Variants in TRAPPC9 observed in about 807,000 individuals in gnomAD.
The protein encoded by TRAPPC9 is IKK2 binding protein.
In TRAPPC9, 83 loss-of-function variants were observed where a neutral mutation model predicts 124.0. The observed-to-expected ratio is 0.67, with a 90% confidence interval of 0.56 to 0.80. The LOEUF is 0.80. Among genes scored for constraint, TRAPPC9 ranks in the 30% least tolerant of loss-of-function variants. The pLI is 0.00. For missense variants in TRAPPC9, 1,302 were observed against 1,508.3 expected (o/e 0.86, Z 2.27); for synonymous variants, 638 against 617.5 (o/e 1.03, Z -0.49).
chr8:139,885,729 C>A (rs756432234), intron 21 of TRAPPC9, 150 bp downstream of exon 21: 41 of 750,810 alleles, frequency 5.5e-5, no homozygotes, highest in Non-Finnish European at 8.6e-5. Context: ...GTATGGTGAG[C>A]CCGTCTTTTT....
At chr8:140,060,922 C>T (rs73725381) in intron 17 of TRAPPC9, among the ~76,000 whole-genome samples, 14,003 of 152,220 alleles carry the variant, frequency 0.092, 802 homozygotes, top group African/African-American at 0.15. Flanking sequence ...CAAATGATTC[C>T]AATATTCAGC....
At chr8:139,974,492 A>C (rs912196650) in intron 19 of TRAPPC9, among the ~76,000 whole-genome samples, 3 of 152,210 alleles carry the variant, frequency 2.0e-5, no homozygotes, top group African/African-American at 7.2e-5. Flanking sequence ...ACCTCTTGGC[A>C]ACCCAGAGGG....
At chr8:140,174,073 G>A (rs1006528785) in intron 17 of TRAPPC9, among the ~76,000 whole-genome samples, 8 of 152,158 alleles carry the variant, frequency 5.3e-5, no homozygotes, top group African/African-American at 1.9e-4. Flanking sequence ...TAAAGGGCAA[G>A]AAGAAAAGTG....
At chr8:139,873,183 A>G (rs1277859221) in intron 21 of TRAPPC9, among the ~76,000 whole-genome samples, 1 of 152,092 alleles carries the variant, frequency 6.6e-6, no homozygotes, top group Non-Finnish European at 1.5e-5. Context: ...ATGAAAGTCT[A>G]GAATAGTGCT....
chr8:139,877,685 C>A (rs1026505607), intron 21 of TRAPPC9, among the ~76,000 whole-genome samples: 6 of 152,202 alleles, frequency 3.9e-5, no homozygotes, highest in African/African-American at 1.4e-4. Context: ...AGCACAGCCC[C>A]CAAAGATCAC....
At chr8:140,147,458 G>A (rs545339629) in intron 17 of TRAPPC9, among the ~76,000 whole-genome samples, 9 of 152,300 alleles carry the variant, frequency 5.9e-5, no homozygotes, top group South Asian at 2.1e-4. Flanking sequence ...ACTCAGGTGC[G>A]GTGGCCGGCA....
intron 21 of TRAPPC9, among the ~76,000 whole-genome samples, chr8:139,848,439 C>T (rs1173674853): frequency 3.3e-5 from 5 of 152,142 alleles, no homozygotes; most frequent in Non-Finnish European, 5.9e-5. Flanking sequence ...GCCTGCAATA[C>T]ACAACCCAGA....
chr8:140,293,828 C>A (rs1336833975), intron 11 of TRAPPC9, among the ~76,000 whole-genome samples: 1 of 151,988 alleles, frequency 6.6e-6, no homozygotes, highest in Non-Finnish European at 1.5e-5. Context: ...AACTAACCTG[C>A]ACATTGTGCA....
At chr8:140,389,637 G>GC (rs1204001870) in intron 7 of TRAPPC9, among the ~76,000 whole-genome samples, 1 of 152,148 alleles carries the variant, frequency 6.6e-6, no homozygotes, top group Non-Finnish European at 1.5e-5. Context: ...GAATCTGCAT[G>GC]CATTACCAAA....
At chr8:139,777,423 C>A (rs753652133) in intron 21 of TRAPPC9, among the ~76,000 whole-genome samples, 6 of 152,246 alleles carry the variant, frequency 3.9e-5, no homozygotes, top group Non-Finnish European at 5.9e-5. Flanking sequence ...ACTGTGTTAT[C>A]TCCTAATGCA....
intron 11 of TRAPPC9, among the ~76,000 whole-genome samples, chr8:140,297,624 G>A (rs752314868): frequency 2.0e-5 from 3 of 152,204 alleles, no homozygotes; most frequent in Non-Finnish European, 4.4e-5. Context: ...AAGCCCACAC[G>A]GCTCCTCAGA....
intron 21 of TRAPPC9, among the ~76,000 whole-genome samples, chr8:139,756,531 C>T (rs1357211032): frequency 3.7e-5 from 5 of 134,460 alleles, no homozygotes; most frequent in African/African-American, 8.9e-5. Context: ...GACAGCAGGT[C>T]GCAGGAGGAG....
intron 19 of TRAPPC9, among the ~76,000 whole-genome samples, chr8:139,948,602 C>G (rs1344428206): frequency 2.6e-5 from 4 of 152,142 alleles, no homozygotes; most frequent in Non-Finnish European, 4.4e-5. Context: ...AGGAGCCCCC[C>G]ACCCTACCTC....
At chr8:139,998,511 G>C (rs1271704927) in intron 18 of TRAPPC9, among the ~76,000 whole-genome samples, 1 of 152,226 alleles carries the variant, frequency 6.6e-6, no homozygotes, top group Admixed American at 6.5e-5. Context: ...AAGGTCAGGA[G>C]ATCGAGACCA....
At chr8:140,347,015 C>T (rs1233314979) in intron 9 of TRAPPC9, among the ~76,000 whole-genome samples, 1 of 152,196 alleles carries the variant, frequency 6.6e-6, no homozygotes, top group African/African-American at 2.4e-5. Context: ...CAGGGCAGGA[C>T]ACACACCCAC....
At chr8:140,133,121 G>C (rs2130720499) in intron 17 of TRAPPC9, among the ~76,000 whole-genome samples, 1 of 152,300 alleles carries the variant, frequency 6.6e-6, no homozygotes, top group East Asian at 1.9e-4. Context: ...AAAGAGGAAA[G>C]CTACCAGTCT....
intron 18 of TRAPPC9, among the ~76,000 whole-genome samples, chr8:139,999,001 A>G (rs1233978461): frequency 6.6e-6 from 1 of 152,198 alleles, no homozygotes; most frequent in Non-Finnish European, 1.5e-5. Context: ...TTAAAAGCTC[A>G]ATGCTTTAAA....
At chr8:140,125,499 G>T (rs1450504925) in intron 17 of TRAPPC9, among the ~76,000 whole-genome samples, 5 of 152,058 alleles carry the variant, frequency 3.3e-5, no homozygotes, top group African/African-American at 1.2e-4. Context: ...GTCTGTCCGG[G>T]AATGGCAGCA....
chr8:139,923,776 CTGG>C (rs1832649409), intron 19 of TRAPPC9, among the ~76,000 whole-genome samples: 1 of 152,190 alleles, frequency 6.6e-6, no homozygotes, highest in Non-Finnish European at 1.5e-5. Context: ...CAAAAGCCTC[CTGG>C]AGAGAACGAC....
Sources: gnomAD v4.1 joint callset for allele counts (sites outside exome capture counted in the v4.1 genomes callset) on GRCh38, gnomAD v4.1.1 for gene constraint, MANE v1.5 for transcripts, NCBI Gene and HGNC (gene_info 2026-07-23, HGNC 2026-07-21) for gene names.